Variants in ANK2 observed in about 807,000 individuals in gnomAD.
The protein encoded by ANK2 is ankyrin 2.
ANK2 carries 83 observed loss-of-function variants against 360.5 expected under a neutral mutation model. That is an observed-to-expected ratio of 0.23 (90% CI 0.19 to 0.28). The LOEUF (loss-of-function observed/expected upper bound fraction) is 0.28, where lower values mean the gene tolerates loss of function less well. Ranked by LOEUF, ANK2 falls within the 10% of genes least tolerant of loss-of-function variation. The probability of loss-of-function intolerance (pLI) is 1.00; values close to 1 mark genes in which losing one functional copy is unlikely to be tolerated. For synonymous variants in ANK2, 1,740 were observed against 1,759.5 expected, an observed-to-expected ratio of 0.99 and a Z score of 0.28; for missense variants, 4,201 against 4,795.7, an observed-to-expected ratio of 0.88 and a Z score of 3.66.
chr4:113,026,243 G>T (rs7438369), intron 2 of ANK2, among the ~76,000 whole-genome samples: 7,208 of 152,148 alleles, frequency 0.047, 219 homozygotes, highest in Admixed American at 0.079. Context: ...TTGACAGACT[G>T]GAGTTTTCAG....
chr4:113,009,602 A>C (rs1024614929), intron 2 of ANK2, among the ~76,000 whole-genome samples: 2 of 152,134 alleles, frequency 1.3e-5, no homozygotes, highest in African/African-American at 4.8e-5. Flanking sequence ...TTTCCCGATC[A>C]TGAGCATCCC....
the ANK2 span, among the ~76,000 whole-genome samples, chr4:112,735,602 G>A: frequency 6.6e-6 from 1 of 152,150 alleles, no homozygotes; most frequent in Non-Finnish European, 1.5e-5. Context: ...CAAGACACCA[G>A]TGAATCTCTC....
At chr4:112,875,301 C>T (rs940180440) in intron 1 of ANK2, among the ~76,000 whole-genome samples, 1 of 151,994 alleles carries the variant, frequency 6.6e-6, no homozygotes, top group Non-Finnish European at 1.5e-5. Flanking sequence ...TATAGGCTTG[C>T]ACCACTGCGC....
chr4:113,305,261 AC>A (rs2076722011), intron 23 of ANK2, among the ~76,000 whole-genome samples: 1 of 138,258 alleles, frequency 7.2e-6, no homozygotes, highest in South Asian at 2.4e-4. Context: ...AATGGCGTGA[AC>A]CCGGGAGGCG....
chr4:113,369,239 T>C (rs1415350411), intron 42 of ANK2, among the ~76,000 whole-genome samples: 1 of 152,226 alleles, frequency 6.6e-6, no homozygotes, highest in East Asian at 1.9e-4. Flanking sequence ...CTTATATACA[T>C]TGTAGAGGTT....
At chr4:112,978,680 A>T (rs542922733) in intron 2 of ANK2, among the ~76,000 whole-genome samples, 1 of 152,282 alleles carries the variant, frequency 6.6e-6, no homozygotes, top group East Asian at 1.9e-4. Context: ...GCTGAATAAT[A>T]TTCCACTGAA....
chr4:113,030,539 GAA>G (rs1280596325), intron 2 of ANK2, among the ~76,000 whole-genome samples: 1 of 152,006 alleles, frequency 6.6e-6, no homozygotes, highest in East Asian at 1.9e-4. Flanking sequence ...ATCCTATACA[GAA>G]AAGTGTGATA....
At position 112,969,004 on chromosome 4, in the gene ANK2, G is replaced by A. The variant is rs144174391; in HGVS notation, c.21+64490G>A. On this transcript the variant is annotated intron_variant, in intron 2 of 30. Transcript: ENST00000503271. ...ATCAGAATTATTCAGCTAGCCCTGTGTATAGTCCAGTAACTATGCTGAGGG... is the reference window on the plus strand; with the variant it reads ...ATCAGAATTATTCAGCTAGCCCTGTATATAGTCCAGTAACTATGCTGAGGG... 3.2e-3 allele frequency among the ~76,000 whole-genome samples: 491 copies of A among 152,274 alleles called. 2 individuals carry two copies. Among genetic ancestry groups the A allele is most frequent in the African/African-American group, 0.011 (454 of 41,558 alleles).
the ANK2 span, among the ~76,000 whole-genome samples, chr4:112,735,645 T>C: frequency 6.6e-6 from 1 of 152,248 alleles, no homozygotes; most frequent in African/African-American, 2.4e-5. Flanking sequence ...TTACCCTCTG[T>C]ACCATTCATG....
intron 2 of ANK2, among the ~76,000 whole-genome samples, chr4:113,003,933 A>C (rs1261504400): frequency 6.6e-6 from 1 of 152,240 alleles, no homozygotes; most frequent in Admixed American, 6.5e-5. Context: ...ATCATAACAC[A>C]ATGATCAGTA....
At chr4:113,062,501 C>A (rs2073965914) in intron 1 of ANK2, among the ~76,000 whole-genome samples, 1 of 152,022 alleles carries the variant, frequency 6.6e-6, no homozygotes, top group Non-Finnish European at 1.5e-5. Context: ...GACTACATAT[C>A]ACTCTTTTAT....
At chr4:113,336,860 T>C in intron 31 of ANK2, 79 bp downstream of exon 31, 1 of 1,353,966 alleles carries the variant, frequency 7.4e-7, no homozygotes, top group Non-Finnish European at 1.1e-6. Context: ...ATTACCTTTG[T>C]CATAAGATGT....
At position 113,277,843 on chromosome 4, in the gene ANK2, T is replaced by C. The variant is rs2153698323; in HGVS notation, c.1690T>C (p.Phe564Leu). ...AAHSLATKKGFTPLHVAAKYG... is the reference protein window; with the variant it reads ...AAHSLATKKGLTPLHVAAKYG... The stretch of plus-strand genomic sequence containing the variant: ...TTGTTTCTCACATTTTCAGAAGGGT[T>C]TTACTCCCCTGCATGTAGCAGCCAA... Residue 564 changes from phenylalanine (F) to leucine (L), a missense_variant, in exon 16 of 46, where the codon TTT (phenylalanine) becomes CTT (leucine). Phe to Leu is a conservative substitution (Grantham distance 22). Transcript: ENST00000357077. 1 of 1,612,600 alleles carries C rather than the reference T, an allele frequency of 6.2e-7. No individual in the cohort carries two copies. The highest frequency in any genetic ancestry group is 8.5e-7 in the Non-Finnish European group (1 of 1,178,618).
At position 113,354,659 on chromosome 4, in the gene ANK2, A is replaced by C. The variant is rs1588932604; in HGVS notation, c.6041A>C (p.Lys2014Thr). ...CATAAAACTGGACTCTTTGAGCACA[A>C]ATCAGCAAAACAAAAGCAGCCACAA... ...SKHKTGLFEH[K>T]SAKQKQPQEK... Residue 2014 changes from lysine to threonine, a missense_variant, in exon 38 of 46, where the codon AAA becomes ACA. This residue lies in a region of ANK2 where 2,642 missense variants were observed against 2,714.5 expected (regional missense o/e 0.97). Transcript: ENST00000357077. 2.5e-6 allele frequency: 4 copies of C among 1,614,170 alleles called. No homozygotes were observed. Among genetic ancestry groups the C allele is most frequent in the Non-Finnish European group, 3.4e-6 (4 of 1,180,008 alleles).
intron 2 of ANK2, among the ~76,000 whole-genome samples, chr4:112,970,556 A>G (rs913350581): frequency 6.6e-6 from 1 of 152,080 alleles, no homozygotes; most frequent in Admixed American, 6.6e-5. Context: ...GGGTTTCATC[A>G]TATTGGCCAG....
chr4:113,119,814 A>G (rs1308831549), intron 1 of ANK2, among the ~76,000 whole-genome samples: 1 of 152,202 alleles, frequency 6.6e-6, no homozygotes, highest in East Asian at 1.9e-4. Flanking sequence ...AGGTAAAGAT[A>G]TTGCACATTA....
chr4:113,192,314 ACTT>A (rs1428912469), intron 2 of ANK2, among the ~76,000 whole-genome samples: 2 of 152,220 alleles, frequency 1.3e-5, no homozygotes, highest in East Asian at 3.9e-4. Context: ...TCTTGACTAA[ACTT>A]CTTTTTTGCA....
chr4:113,023,476 T>C (rs1018880874), intron 2 of ANK2, among the ~76,000 whole-genome samples: 3 of 152,232 alleles, frequency 2.0e-5, no homozygotes, highest in Non-Finnish European at 4.4e-5. Context: ...CTACTCTGCC[T>C]GGAATGCTCT....
Position 113,369,779 on chromosome 4 carries a change from C to T in ANK2, c.11584C>T (p.Leu3862Phe), listed in dbSNP as rs1243072873. The change falls in exon 43 of 46, where the codon CTC becomes TTC. Residue 3862 changes from leucine to phenylalanine, a missense_variant. Leu to Phe is a conservative substitution (Grantham distance 22). Coordinates refer to ENST00000357077, the MANE Select transcript of ANK2 (RefSeq NM_001148.6). ...TAACCAGCCTGAGACCTGTGAAAGACTCGATGAAGATGCAGCTTTTGAAAA... is the reference window on the plus strand; with the variant it reads ...TAACCAGCCTGAGACCTGTGAAAGATTCGATGAAGATGCAGCTTTTGAAAA... Reference protein sequence around the residue: ...ADNQPETCERLDEDAAFEKGD... With the variant: ...ADNQPETCERFDEDAAFEKGD... 3.7e-6 allele frequency: 6 copies of T among 1,614,108 alleles called. No individual in the cohort carries two copies. The highest frequency in any genetic ancestry group is 1.6e-4 in the Middle Eastern group (1 of 6,062).
Sources: gnomAD v4.1 joint callset for allele counts (sites outside exome capture counted in the v4.1 genomes callset) on GRCh38, gnomAD v4.1.1 for gene constraint, gnomAD v4.1.1 regional missense constraint, MANE v1.5 for transcripts, NCBI Gene and HGNC (gene_info 2026-07-23, HGNC 2026-07-21) for gene names.